Variants in MRTFB observed in about 807,000 individuals in gnomAD.
MRTFB encodes the protein myocardin related transcription factor B, also known as myocardin-related transcription factor B.
In MRTFB, 29 loss-of-function variants were observed where a neutral mutation model predicts 104.2. The observed-to-expected ratio is 0.28, with a 90% CI of 0.21 to 0.38. The LOEUF (loss-of-function observed/expected upper bound fraction) is 0.38. Ranked by LOEUF, MRTFB falls within the 10% of genes least tolerant of loss-of-function variation. The pLI, the probability that MRTFB is intolerant of heterozygous loss-of-function variation, is 1.00. For synonymous variants in MRTFB, 535 were observed against 519.5 expected (o/e 1.03, Z -0.41); for missense variants, 1,270 against 1,341.6 (o/e 0.95, Z 0.83).
intron 8 of MRTFB, among the ~76,000 whole-genome samples, chr16:14,224,433 A>C (rs909143946): frequency 6.6e-6 from 1 of 152,218 alleles, no homozygotes; most frequent in Non-Finnish European, 1.5e-5. Flanking sequence ...CTACACCTGT[A>C]TAGAGCAGCT....
At chr16:14,099,430 C>A (rs1459974530) in intron 2 of MRTFB, among the ~76,000 whole-genome samples, 1 of 148,500 alleles carries the variant, frequency 6.7e-6, no homozygotes, top group African/African-American at 2.5e-5. Flanking sequence ...GGCTGGAGTG[C>A]AGTGGTGTAA....
chr16:14,182,011 C>T (rs1164830525), intron 3 of MRTFB, among the ~76,000 whole-genome samples: 3 of 152,188 alleles, frequency 2.0e-5, no homozygotes, highest in Non-Finnish European at 2.9e-5. Context: ...GCAGAAGTGA[C>T]TTTCATCACA....
At chr16:14,049,912 T>C in the MRTFB span, among the ~76,000 whole-genome samples, 2 of 152,214 alleles carry the variant, frequency 1.3e-5, no homozygotes, top group Non-Finnish European at 2.9e-5. Flanking sequence ...TTTGTGTTTT[T>C]AGTAGAGACG....
At chr16:14,233,268 T>A (rs1259403402) in intron 8 of MRTFB, among the ~76,000 whole-genome samples, 1 of 152,154 alleles carries the variant, frequency 6.6e-6, no homozygotes, top group Non-Finnish European at 1.5e-5. Flanking sequence ...AATATATTCT[T>A]CAAATCTTCT....
chr16:14,146,000 G>A (rs540312399), intron 3 of MRTFB, among the ~76,000 whole-genome samples: 19 of 152,396 alleles, frequency 1.2e-4, no homozygotes, highest in African/African-American at 4.6e-4. Flanking sequence ...CCGGTAAGCT[G>A]ACAGGCAGAG....
chr16:14,216,775 C>T (rs1394289727), intron 6 of MRTFB, among the ~76,000 whole-genome samples: 1 of 152,140 alleles, frequency 6.6e-6, no homozygotes, highest in Non-Finnish European at 1.5e-5. Context: ...CTTCTTGAAC[C>T]ATGGGCCACA....
chr16:14,074,819 T>G (rs2033938117), intron 1 of MRTFB, among the ~76,000 whole-genome samples: 3 of 152,234 alleles, frequency 2.0e-5, no homozygotes. Context: ...AGAAGATTCC[T>G]GTAGAGATTT....
At chr16:14,196,775 GCA>G in intron 3 of MRTFB, among the ~76,000 whole-genome samples, 1 of 152,114 alleles carries the variant, frequency 6.6e-6, no homozygotes, top group East Asian at 1.9e-4. Context: ...AGTGCAGATA[GCA>G]CAGCTTTTAC....
Position 14,213,262 on chromosome 16 carries a change from T to A in MRTFB, c.277-283T>A, listed in dbSNP as rs567175930. On this transcript the variant is annotated intron_variant, in intron 5 of 16. Transcript: ENST00000571589. ...TTAAGTGATTTAAATCCTATGTTTA[T>A]TAAAAAACTATCTTCAAAACACGAC... Among the ~76,000 whole-genome samples the A allele has an allele frequency of 7.2e-5, 11 of 152,336 alleles. No individual in the cohort carries two copies. The South Asian group carries it at 1.9e-3, about 26-fold the overall frequency.
chr16:14,009,933 A>G, the MRTFB span: 3 of 152,036 alleles, frequency 2.0e-5, no homozygotes, highest in African/African-American at 7.3e-5. Flanking sequence ...CCCCTGCCCC[A>G]GGCAAACTCT....
intron 15 of MRTFB, among the ~76,000 whole-genome samples, chr16:14,257,681 A>G (rs1225600700): frequency 6.6e-6 from 1 of 152,238 alleles, no homozygotes; most frequent in Non-Finnish European, 1.5e-5. Flanking sequence ...ATGTCAAAAC[A>G]TATCAAATTG....
In MRTFB at chr16:14,261,023, T is replaced by A; in HGVS notation, c.2879T>A (p.Val960Asp). ...NTVVSRPPPQ[V>D]QMAPPVSLEP... ...GTGGTGTCCCGGCCACCACCCCAAG[T>A]CCAAATGGCACCACCTGTATCTTTA... Residue 960 changes from valine (V) to aspartate (D), a missense_variant, in exon 17 of 17, where the codon GTC becomes GAC. This residue lies in a region of MRTFB where 1,144 missense variants were observed against 1,131.5 expected (regional missense o/e 1.01). Coordinates refer to ENST00000571589, the MANE Select transcript of MRTFB (RefSeq NM_001308142.2). The A allele has an allele frequency of 6.2e-7, 1 of 1,614,032 alleles. No homozygotes were observed. Among genetic ancestry groups the A allele is most frequent in the Non-Finnish European group, 8.5e-7 (1 of 1,180,014 alleles).
chr16:14,012,280 A>ATTTT, the MRTFB span, among the ~76,000 whole-genome samples: 1 of 112,278 alleles, frequency 8.9e-6, no homozygotes, highest in African/African-American at 3.9e-5. Flanking sequence ...CAACCTTGAC[A>ATTTT]TTTTCTTTTT....
chr16:14,025,262 C>T, the MRTFB span, among the ~76,000 whole-genome samples: 1 of 152,202 alleles, frequency 6.6e-6, no homozygotes, highest in Non-Finnish European at 1.5e-5. Flanking sequence ...CTTATTGTAG[C>T]CTCGACCTGT....
rs1039411063 is a variant in MRTFB, at chr16:14,266,224, T to C, written c.*4780T>C. The C allele has an allele frequency of 6.6e-6, 1 of 152,250 alleles. No individual in the cohort carries two copies. Among genetic ancestry groups the C allele is most frequent in the African/African-American group, 2.4e-5 (1 of 41,462 alleles). The allele number at this position is 152,250 out of a possible 1,614,324, so 9.4% of individuals were successfully genotyped here. ...TTTCACTAAGATGTAGATATTTCTC[T>C]TATTGTTTTCATGTAAAATAGTATA... On this transcript the variant is annotated 3_prime_UTR_variant, in exon 17 of 17. Coordinates refer to ENST00000571589, the MANE Select transcript of MRTFB (RefSeq NM_001308142.2).
intron 3 of MRTFB, among the ~76,000 whole-genome samples, chr16:14,161,658 A>G (rs973088396): frequency 2.0e-5 from 3 of 152,218 alleles, no homozygotes; most frequent in Admixed American, 1.3e-4. Context: ...CAACTCGTCC[A>G]GTAAGAAGAG....
At chr16:14,231,181 C>T (rs1434338942) in intron 8 of MRTFB, among the ~76,000 whole-genome samples, 2 of 151,020 alleles carry the variant, frequency 1.3e-5, no homozygotes, top group African/African-American at 2.4e-5. Flanking sequence ...ACACCTAATG[C>T]TAAATGACGA....
chr16:14,202,370 T>C (rs1405790792), intron 3 of MRTFB, among the ~76,000 whole-genome samples: 1 of 152,198 alleles, frequency 6.6e-6, no homozygotes, highest in Non-Finnish European at 1.5e-5. Context: ...TGTGCATGTA[T>C]ACTTTATTTT....
At chr16:14,016,012 C>T in the MRTFB span, 2 of 398,496 alleles carry the variant, frequency 5.0e-6, no homozygotes, top group Non-Finnish European at 8.8e-6. Context: ...CTGCCTCTAC[C>T]CTATCTAACT....
Sources: allele counts gnomAD v4.1 joint callset (sites outside exome capture counted in the v4.1 genomes callset), GRCh38; gene constraint gnomAD v4.1.1; regional missense constraint gnomAD v4.1.1; transcripts MANE v1.5; gene names NCBI Gene and HGNC (gene_info 2026-07-23, HGNC 2026-07-21).